The following CDH7 variants were observed in gnomAD, a reference collection of about 807,000 sequenced individuals.
The protein encoded by CDH7 is cadherin-7.
A neutral mutation model predicts 71.8 loss-of-function variants in CDH7; 25 were observed. The observed-to-expected ratio is 0.35, with a 90% CI of 0.25 to 0.49. The LOEUF (loss-of-function observed/expected upper bound fraction) is 0.49. Among genes scored for constraint, CDH7 ranks in the 20% least tolerant of loss-of-function variants. The pLI is 0.99. For synonymous variants in CDH7, 381 were observed against 363.8 expected (o/e 1.05, Z -0.54); for missense variants, 862 against 974.6 (o/e 0.88, Z 1.54).
chr18:65,848,474 C>T (rs182754001), intron 7 of CDH7, among the ~76,000 whole-genome samples: 49 of 152,272 alleles, frequency 3.2e-4, no homozygotes, highest in Admixed American at 7.9e-4. Flanking sequence ...ATCAGCACTC[C>T]AAGTTCACTG....
intron 2 of CDH7, among the ~76,000 whole-genome samples, chr18:65,807,536 T>C (rs1568195878): frequency 1.3e-5 from 2 of 152,224 alleles, no homozygotes; most frequent in Non-Finnish European, 2.9e-5. Flanking sequence ...TGGATGTTCT[T>C]CTAACATTGC....
In CDH7 at chr18:65,829,756, AT is replaced by A. The variant is rs201297297; in HGVS notation, c.981+4933del. On this transcript the variant is annotated intron_variant, in intron 6 of 11. Coordinates refer to ENST00000397968, the MANE Select transcript of CDH7 (RefSeq NM_004361.5). ...CACAGCGCCTGTACCAGCAAGATGC[AT>A]TTTTTTTCAAGGAAGGGAGTGTGTG... Among the ~76,000 whole-genome samples, 915 of 137,014 alleles carry A rather than the reference AT, an allele frequency of 6.7e-3. 7 individuals are homozygous for A. Among genetic ancestry groups the A allele is most frequent in the African/African-American group, 0.024 (870 of 36,486 alleles). 89.9% of individuals were successfully genotyped at this position (137,014 alleles called of 152,430 possible).
rs539133936 is a variant in CDH7 at position 65,888,221 on chromosome 18, C to G, written c.*7327C>G. The G allele has an allele frequency of 6.6e-6, 1 of 151,930 alleles. No homozygotes were observed. The highest frequency in any genetic ancestry group is 1.5e-5 in the Non-Finnish European group (1 of 68,006). 9.4% of individuals were successfully genotyped at this position (151,930 alleles called of 1,614,324 possible). ...AGAGTACTGTTTCAGAACTAACCAG[C>G]GAAGAGATGTATACAAAGTGTACTC... On this transcript the variant is annotated 3_prime_UTR_variant, in exon 12 of 12. Transcript: ENST00000397968.
intron 6 of CDH7, among the ~76,000 whole-genome samples, chr18:65,826,522 A>G (rs529276677): frequency 2.0e-5 from 3 of 147,520 alleles, no homozygotes; most frequent in African/African-American, 7.4e-5. Context: ...TTTTATTCAA[A>G]AATTATTAAA....
chr18:65,784,554 G>T (rs1020714736), intron 2 of CDH7, among the ~76,000 whole-genome samples: 11 of 152,176 alleles, frequency 7.2e-5, no homozygotes, highest in Admixed American at 7.2e-4. Context: ...CCATATTGGT[G>T]TTGGACTGCA....
At position 65,877,417 on chromosome 18, in the gene CDH7, T is replaced by A. The variant is rs140120687; in HGVS notation, c.1865-2984T>A. ...ATATATACTATATATAGCAATATAT[T>A]TATGACAAAATTTATTATAATTAAA... On this transcript the variant is annotated intron_variant, in intron 11 of 11. Coordinates refer to ENST00000397968, the MANE Select transcript of CDH7 (RefSeq NM_004361.5). Among the ~76,000 whole-genome samples the A allele has an allele frequency of 4.4e-3, 671 of 152,078 alleles. 4 individuals are homozygous for A. The highest frequency in any genetic ancestry group is 0.015 in the African/African-American group (628 of 41,498).
intron 11 of CDH7, among the ~76,000 whole-genome samples, chr18:65,866,789 G>T (rs554680213): frequency 2.0e-5 from 3 of 151,900 alleles, no homozygotes; most frequent in Non-Finnish European, 4.4e-5. Flanking sequence ...CTAACTTTAT[G>T]GATGAACTGC....
At chr18:65,791,348 G>A (rs1436771315) in intron 2 of CDH7, among the ~76,000 whole-genome samples, 1 of 152,146 alleles carries the variant, frequency 6.6e-6, no homozygotes, top group Non-Finnish European at 1.5e-5. Context: ...TCTATGTGAT[G>A]TTCTTAATCC....
intron 2 of CDH7, among the ~76,000 whole-genome samples, chr18:65,782,176 T>TTCTTTCTTTCTTTCC (rs1568182801): frequency 3.0e-5 from 4 of 134,564 alleles, no homozygotes; most frequent in African/African-American, 9.9e-5. Context: ...CTTTCTTTCT[T>TTCTTTCTTTCTTTCC]TCTTTCTTTC....
chr18:65,775,299 A>G (rs1274526210), intron 2 of CDH7, among the ~76,000 whole-genome samples: 1 of 152,180 alleles, frequency 6.6e-6, no homozygotes, highest in African/African-American at 2.4e-5. Flanking sequence ...TAACTTTGAA[A>G]TGGCTCAGCT....
At chr18:65,765,157 T>G (rs768699044) in intron 2 of CDH7, among the ~76,000 whole-genome samples, 10 of 152,008 alleles carry the variant, frequency 6.6e-5, no homozygotes, top group Non-Finnish European at 1.0e-4. Context: ...TTGTCCAGGA[T>G]GGAAATGGAT....
chr18:65,785,993 G>A lies in CDH7; in HGVS notation c.210+22941G>A, dbSNP rs557508734. Among the ~76,000 whole-genome samples the A allele has an allele frequency of 1.2e-4, 18 of 152,200 alleles. 1 individual carries two copies. The highest frequency in any genetic ancestry group is 7.7e-4 in the East Asian group (4 of 5,172). On this transcript the variant is annotated intron_variant, in intron 2 of 11. Transcript: ENST00000397968. The stretch of plus-strand genomic sequence containing the variant: ...TGTTGATTGCACCTGCGTGTTTCCC[G>A]TACATTAGCATGCAGCTTTTGGTTC...
chr18:65,791,627 C>T (rs779893295), intron 2 of CDH7, among the ~76,000 whole-genome samples: 2 of 152,162 alleles, frequency 1.3e-5, no homozygotes, highest in Non-Finnish European at 2.9e-5. Flanking sequence ...AGTGCATGAA[C>T]TAGTCCAATA....
intron 2 of CDH7, among the ~76,000 whole-genome samples, chr18:65,789,083 T>C (rs1910615243): frequency 6.6e-6 from 1 of 152,260 alleles, no homozygotes; most frequent in Admixed American, 6.5e-5. Context: ...CAAAGAAATA[T>C]TCTTGTCCTT....
In CDH7 at chr18:65,769,876, G is replaced by A. The variant is rs183645245; in HGVS notation, c.210+6824G>A. Among the ~76,000 whole-genome samples the A allele has an allele frequency of 1.5e-4, 23 of 152,250 alleles. No homozygotes were observed. The East Asian group carries it at 2.7e-3, about 18-fold the overall frequency. Reference sequence around the variant, plus strand: ...ACGTCAGAAGATAGAGGATGTTGACGTGACTCATTCATAATGATGTTGAAT... The same window carrying A: ...ACGTCAGAAGATAGAGGATGTTGACATGACTCATTCATAATGATGTTGAAT... On this transcript the variant is annotated intron_variant, in intron 2 of 11. Transcript: ENST00000397968.
intron 2 of CDH7, among the ~76,000 whole-genome samples, chr18:65,792,276 G>A (rs536180568): frequency 1.3e-5 from 2 of 150,394 alleles, no homozygotes; most frequent in East Asian, 4.0e-4. Flanking sequence ...AAGGACAAAG[G>A]AGGGTTTTCT....
At chr18:65,871,886 A>T (rs913797542) in intron 11 of CDH7, among the ~76,000 whole-genome samples, 5 of 152,082 alleles carry the variant, frequency 3.3e-5, no homozygotes, top group Admixed American at 3.3e-4. Context: ...ATCCAAAGAG[A>T]TAGATGAGAG....
At chr18:65,826,925 C>T (rs5825651) in intron 6 of CDH7, among the ~76,000 whole-genome samples, 110,867 of 150,284 alleles carry the variant, frequency 0.74, 40,854 homozygotes, top group East Asian at 0.98. Flanking sequence ...TATTAAAAAA[C>T]GTAATATTCT....
At chr18:65,814,366 G>A (rs746282833) in intron 3 of CDH7, 119 bp from the exon 4 acceptor site, 41 of 1,167,364 alleles carry the variant, frequency 3.5e-5, no homozygotes, top group Non-Finnish European at 5.0e-5. Context: ...TATGTGTCTT[G>A]AAAAAGATAA....
Sources: allele counts gnomAD v4.1 joint callset (sites outside exome capture counted in the v4.1 genomes callset), GRCh38; gene constraint gnomAD v4.1.1; transcripts MANE v1.5; gene names NCBI Gene and HGNC (gene_info 2026-07-23, HGNC 2026-07-21).